Variants in CPS1 observed in about 807,000 individuals in gnomAD.
The protein encoded by CPS1 is carbamoyl-phosphate synthase 1.
Under a neutral mutation model 174.6 loss-of-function variants are expected in CPS1, and 109 were observed. The observed-to-expected ratio is 0.62, with a 90% CI of 0.53 to 0.73. The LOEUF (loss-of-function observed/expected upper bound fraction) is 0.73. CPS1 is among the 30% of genes least tolerant of loss of function. The pLI, the probability that CPS1 is intolerant of heterozygous loss-of-function variation, is 0.00. For synonymous variants in CPS1, 637 were observed against 632.0 expected, an observed-to-expected ratio of 1.01 and a Z score of -0.12; for missense variants, 1,689 against 1,821.9, an observed-to-expected ratio of 0.93 and a Z score of 1.33.
rs1472957026 is a variant in CPS1 at position 210,647,917 on chromosome 2, G to T, written c.3196G>T (p.Val1066Phe). 8 of 1,614,044 alleles carry T rather than the reference G, an allele frequency of 5.0e-6. No homozygotes were observed. The highest frequency in any genetic ancestry group is 2.2e-5 in the South Asian group (2 of 91,086). The change falls in exon 26 of 38, where the codon GTT becomes TTT. Residue 1066 changes from valine to phenylalanine, a missense_variant. Physicochemically the swap from Val to Phe is conservative, Grantham distance 50 (BLOSUM62 -1). Coordinates refer to ENST00000233072, the MANE Select transcript of CPS1 (RefSeq NM_001875.5). ...AGGCCAGATTCCAAACAACCTGGCA[G>T]TTCCTCTATACAAGAATGGTGTCAA... ...VGGQIPNNLA[V>F]PLYKNGVKIM...
chr2:210,530,780 A>G (rs1696096687), intron 1 of CPS1, among the ~76,000 whole-genome samples: 1 of 151,840 alleles, frequency 6.6e-6, no homozygotes, highest in Admixed American at 6.6e-5. Context: ...GTAGCTAACC[A>G]CCACCTACTT....
chr2:210,478,289 A>G (rs1694460643), intron 1 of CPS1, among the ~76,000 whole-genome samples: 1 of 152,200 alleles, frequency 6.6e-6, no homozygotes, highest in South Asian at 2.1e-4. Context: ...AACACTTGGT[A>G]TTATCTAGTG....
At chr2:210,595,374 C>T (rs1325008231) in intron 12 of CPS1, 113 bp from the exon 13 acceptor site, 12 of 786,014 alleles carry the variant, frequency 1.5e-5, no homozygotes, top group African/African-American at 8.5e-5. Flanking sequence ...TTACATTAGA[C>T]CTTAGATGAC....
intron 1 of CPS1, among the ~76,000 whole-genome samples, chr2:210,541,783 T>C (rs1399104962): frequency 6.6e-6 from 1 of 152,202 alleles, no homozygotes; most frequent in Non-Finnish European, 1.5e-5. Context: ...TGCTTTGTAA[T>C]GTAATGATGG....
At chr2:210,503,110 C>T (rs1683554827) in intron 1 of CPS1, among the ~76,000 whole-genome samples, 1 of 152,198 alleles carries the variant, frequency 6.6e-6, no homozygotes, top group South Asian at 2.1e-4. Flanking sequence ...GATAATTTAA[C>T]TCTTCCTAAC....
chr2:210,631,919 A>C (rs1699883882), intron 21 of CPS1, among the ~76,000 whole-genome samples: 2 of 152,246 alleles, frequency 1.3e-5, no homozygotes, highest in Non-Finnish European at 2.9e-5. Flanking sequence ...TGCATATTTT[A>C]AAATTGTGTG....
chr2:210,522,863 T>G (rs544174588), intron 1 of CPS1, among the ~76,000 whole-genome samples: 1 of 151,996 alleles, frequency 6.6e-6, no homozygotes. Context: ...CTCTGTTGTA[T>G]TGGAAATCAT....
intron 1 of CPS1, among the ~76,000 whole-genome samples, chr2:210,482,548 C>A (rs74908656): frequency 0.018 from 2,776 of 152,152 alleles, 70 homozygotes; most frequent in African/African-American, 0.058. Context: ...CCGCCCGCCT[C>A]AGCTTCCCAA....
At chr2:210,648,412 T>C in intron 26 of CPS1, 61 bp from the exon 27 acceptor site, 4 of 1,374,944 alleles carry the variant, frequency 2.9e-6, no homozygotes, top group Non-Finnish European at 4.1e-6. Flanking sequence ...TGATACATTC[T>C]GTAATTTTAT....
chr2:210,528,915 C>T (rs112699771), intron 1 of CPS1, among the ~76,000 whole-genome samples: 2,470 of 136,884 alleles, frequency 0.018, 51 homozygotes, highest in Middle Eastern at 0.068. Flanking sequence ...GAATAAAAAA[C>T]GTTAACTTTT....
At chr2:210,595,383 A>G (rs1698450389) in intron 12 of CPS1, 104 bp from the exon 13 acceptor site, 7 of 820,608 alleles carry the variant, frequency 8.5e-6, no homozygotes, top group Non-Finnish European at 1.3e-5. Context: ...ACCTTAGATG[A>G]CCACATAAAC....
chr2:210,576,787 C>T (rs1441273746), intron 3 of CPS1, among the ~76,000 whole-genome samples: 1 of 152,000 alleles, frequency 6.6e-6, no homozygotes, highest in Non-Finnish European at 1.5e-5. Flanking sequence ...GAAGAATCAC[C>T]TTTTAAAAGG....
intron 1 of CPS1, among the ~76,000 whole-genome samples, chr2:210,487,100 C>A (rs1574460465): frequency 6.6e-6 from 1 of 152,160 alleles, no homozygotes; most frequent in East Asian, 1.9e-4. Flanking sequence ...TTCCTAGTTA[C>A]ATTTTTTGGA....
chr2:210,549,983 G>A (rs1487706660), intron 1 of CPS1, among the ~76,000 whole-genome samples: 1 of 151,996 alleles, frequency 6.6e-6, no homozygotes, highest in African/African-American at 2.4e-5. Flanking sequence ...GCAATAAGAT[G>A]CAAGATAGAA....
At chr2:210,490,169 C>T (rs375289434) in intron 1 of CPS1, among the ~76,000 whole-genome samples, 92 of 152,266 alleles carry the variant, frequency 6.0e-4, no homozygotes, top group East Asian at 3.9e-3. Context: ...TCTCTGTAAC[C>T]ACTCAGGAAT....
At chr2:210,643,716 A>G (rs1700294052) in intron 25 of CPS1, among the ~76,000 whole-genome samples, 1 of 152,136 alleles carries the variant, frequency 6.6e-6, no homozygotes, top group South Asian at 2.1e-4. Flanking sequence ...AAGGATGTAT[A>G]ATTATAGTTG....
At chr2:210,553,551 C>A (rs1050584105), upstream of CPS1, among the ~76,000 whole-genome samples, 2 of 125,628 alleles carry the variant, frequency 1.6e-5, no homozygotes, top group African/African-American at 5.6e-5. Context: ...ACCTGGCTCA[C>A]AAAGAATGTA....
intron 1 of CPS1, among the ~76,000 whole-genome samples, chr2:210,513,567 T>C (rs938567002): frequency 5.3e-5 from 8 of 151,990 alleles, no homozygotes; most frequent in African/African-American, 1.9e-4. Context: ...ATTGTTGAAG[T>C]TGCTTATAGA....
At chr2:210,588,544 G>T (rs1698183760) in intron 7 of CPS1, among the ~76,000 whole-genome samples, 1 of 152,058 alleles carries the variant, frequency 6.6e-6, no homozygotes, top group Admixed American at 6.6e-5. Context: ...ATCATGCCCT[G>T]ACAGAGTACG....
Sources: gnomAD v4.1 joint callset for allele counts (sites outside exome capture counted in the v4.1 genomes callset) on GRCh38, gnomAD v4.1.1 for gene constraint, MANE v1.5 for transcripts, NCBI Gene and HGNC (gene_info 2026-07-23, HGNC 2026-07-21) for gene names.